FBXL17: variants seen among roughly 807,000 people sequenced by gnomAD.
FBXL17 encodes the protein F-box and leucine rich repeat protein 17.
Under a neutral mutation model 66.2 loss-of-function variants are expected in FBXL17, and 22 were observed. The ratio of observed to expected loss-of-function variants is 0.33; its 90% CI spans 0.24 to 0.47. FBXL17 has a LOEUF of 0.47. Ranked by LOEUF, FBXL17 falls within the 20% of genes least tolerant of loss-of-function variation. The pLI is 1.00. For synonymous variants in FBXL17, 474 were observed against 400.5 expected, an observed-to-expected ratio of 1.18 and a Z score of -2.19; for missense variants, 878 against 948.2, an observed-to-expected ratio of 0.93 and a Z score of 0.97.
At chr5:107,905,542 T>A (rs1300839603) in intron 7 of FBXL17, among the ~76,000 whole-genome samples, 1 of 152,194 alleles carries the variant, frequency 6.6e-6, no homozygotes, top group African/African-American at 2.4e-5. Flanking sequence ...ATACTGAGTA[T>A]ATATTGTGAA....
At chr5:108,104,651 A>C (rs1005293484) in intron 6 of FBXL17, among the ~76,000 whole-genome samples, 3 of 152,224 alleles carry the variant, frequency 2.0e-5, no homozygotes, top group African/African-American at 7.2e-5. Context: ...AACATTAAAT[A>C]AAAACAAATA....
At chr5:108,023,295 T>C (rs1754667833) in intron 6 of FBXL17, among the ~76,000 whole-genome samples, 1 of 152,166 alleles carries the variant, frequency 6.6e-6, no homozygotes, top group South Asian at 2.1e-4. Flanking sequence ...ATATCTGTTA[T>C]GGATTTTACA....
intron 5 of FBXL17, among the ~76,000 whole-genome samples, chr5:108,220,879 G>T (rs1471261549): frequency 6.6e-6 from 1 of 152,150 alleles, no homozygotes; most frequent in Admixed American, 6.5e-5. Context: ...ACAATGAAAA[G>T]AACACACTTG....
intron 4 of FBXL17, among the ~76,000 whole-genome samples, chr5:108,240,856 T>C (rs1289492922): frequency 2.0e-5 from 3 of 152,120 alleles, no homozygotes; most frequent in African/African-American, 7.2e-5. Flanking sequence ...CGTAGCTCAG[T>C]GCAGGGAGAG....
chr5:108,321,827 ATATC>A (rs1759633620), intron 4 of FBXL17, among the ~76,000 whole-genome samples: 1 of 151,946 alleles, frequency 6.6e-6, no homozygotes, highest in South Asian at 2.1e-4. Context: ...TGAAGAACTA[ATATC>A]TTTAATTTAT....
intron 6 of FBXL17, among the ~76,000 whole-genome samples, chr5:108,024,933 A>G (rs998970535): frequency 4.6e-5 from 7 of 152,124 alleles, no homozygotes; most frequent in African/African-American, 1.7e-4. Flanking sequence ...CATATGATTT[A>G]TGTGAAGGGT....
At chr5:107,999,636 GCA>G (rs370933669) in intron 7 of FBXL17, among the ~76,000 whole-genome samples, 2 of 146,182 alleles carry the variant, frequency 1.4e-5, no homozygotes, top group Non-Finnish European at 1.5e-5. Context: ...AATAACACAT[GCA>G]CACACACACA....
At chr5:108,216,019 T>C (rs1754584750) in intron 5 of FBXL17, among the ~76,000 whole-genome samples, 1 of 152,206 alleles carries the variant, frequency 6.6e-6, no homozygotes, top group Admixed American at 6.5e-5. Context: ...TGTGAGTTTA[T>C]TTCTGGACGC....
chr5:108,015,210 G>T (rs529036065), intron 7 of FBXL17, among the ~76,000 whole-genome samples: 5 of 152,180 alleles, frequency 3.3e-5, no homozygotes, highest in African/African-American at 1.2e-4. Context: ...CTTTTAAGAT[G>T]AACATAAAAA....
intron 4 of FBXL17, among the ~76,000 whole-genome samples, chr5:108,274,467 G>A (rs1437508892): frequency 6.6e-6 from 1 of 152,118 alleles, no homozygotes; most frequent in Non-Finnish European, 1.5e-5. Flanking sequence ...TTTCCTGAAC[G>A]TTGCTGTTAT....
At chr5:108,002,882 T>C (rs559428736) in intron 7 of FBXL17, among the ~76,000 whole-genome samples, 1 of 152,282 alleles carries the variant, frequency 6.6e-6, no homozygotes, top group Non-Finnish European at 1.5e-5. Flanking sequence ...AGACAGTGAA[T>C]TATTAGTTGC....
intron 7 of FBXL17, among the ~76,000 whole-genome samples, chr5:107,940,716 G>A (rs1466590354): frequency 6.6e-6 from 1 of 152,144 alleles, no homozygotes; most frequent in African/African-American, 2.4e-5. Flanking sequence ...TTAGTAAGGA[G>A]GCTAAGGCTT....
intron 6 of FBXL17, among the ~76,000 whole-genome samples, chr5:108,063,164 C>T (rs576229178): frequency 6.6e-6 from 1 of 152,174 alleles, no homozygotes; most frequent in Non-Finnish European, 1.5e-5. Context: ...ACTTCTGTAA[C>T]CTCTCACAAT....
chr5:108,208,531 T>C (rs552216674), intron 5 of FBXL17, among the ~76,000 whole-genome samples: 1 of 151,942 alleles, frequency 6.6e-6, no homozygotes, highest in Non-Finnish European at 1.5e-5. Flanking sequence ...TCTGCATATG[T>C]TGTGCAGTTC....
At chr5:108,005,467 C>T (rs552047340) in intron 7 of FBXL17, among the ~76,000 whole-genome samples, 1 of 152,100 alleles carries the variant, frequency 6.6e-6, no homozygotes, top group African/African-American at 2.4e-5. Flanking sequence ...TATCTGCCCT[C>T]TAATACATAT....
At chr5:108,016,782 C>CTTTTTTTTT (rs372887324) in intron 7 of FBXL17, among the ~76,000 whole-genome samples, 1 of 146,458 alleles carries the variant, frequency 6.8e-6, no homozygotes, top group Non-Finnish European at 1.5e-5. Flanking sequence ...TTCTTTCTTT[C>CTTTTTTTTT]TTTCTTTTTT....
intron 7 of FBXL17, among the ~76,000 whole-genome samples, chr5:107,963,045 A>C (rs1751980347): frequency 6.6e-6 from 1 of 152,142 alleles, no homozygotes; most frequent in African/African-American, 2.4e-5. Flanking sequence ...AAACACTTAA[A>C]ATATTTGGAG....
chr5:108,371,988 G>A (rs1167955306), intron 1 of FBXL17, among the ~76,000 whole-genome samples: 1 of 152,138 alleles, frequency 6.6e-6, no homozygotes, highest in Non-Finnish European at 1.5e-5. Flanking sequence ...AGGTAAGCCT[G>A]CTCTCCAATT....
At chr5:108,185,367 T>A (rs1459539274) in intron 6 of FBXL17, among the ~76,000 whole-genome samples, 1 of 152,152 alleles carries the variant, frequency 6.6e-6, no homozygotes, top group East Asian at 1.9e-4. Context: ...AAGAACTGGA[T>A]GTCTAAAAAT....
Sources: allele counts gnomAD v4.1 joint callset (sites outside exome capture counted in the v4.1 genomes callset), GRCh38; gene constraint gnomAD v4.1.1; transcripts MANE v1.5; gene names NCBI Gene and HGNC (gene_info 2026-07-23, HGNC 2026-07-21).